Variants in PSIP1 observed in about 807,000 individuals in gnomAD.
The protein encoded by PSIP1 is PC4 and SRSF1 interacting protein 1, also known as PC4 and SFRS1-interacting protein.
PSIP1 carries 19 observed loss-of-function variants against 74.7 expected under a neutral mutation model. The observed-to-expected ratio is 0.25, with a 90% CI of 0.18 to 0.37. PSIP1 has a LOEUF of 0.37. Ranked by LOEUF, PSIP1 falls within the 10% of genes least tolerant of loss-of-function variation. PSIP1 has a pLI of 1.00. For synonymous variants in PSIP1, 222 were observed against 195.3 expected, an observed-to-expected ratio of 1.14 and a Z score of -1.14; for missense variants, 601 against 614.3, an observed-to-expected ratio of 0.98 and a Z score of 0.23.
At chr9:15,481,271 CCTA>C (rs1232368995) in intron 6 of PSIP1, among the ~76,000 whole-genome samples, 4 of 152,210 alleles carry the variant, frequency 2.6e-5, no homozygotes, top group Admixed American at 2.6e-4. Flanking sequence ...GAGCTCTTTT[CCTA>C]CTGAGGAGTT....
At chr9:15,504,317 G>C (rs1379120817) in intron 3 of PSIP1, among the ~76,000 whole-genome samples, 4 of 151,402 alleles carry the variant, frequency 2.6e-5, no homozygotes, top group African/African-American at 9.8e-5. Flanking sequence ...TAGTTATTTA[G>C]TTTAGTTTGT....
chr9:15,466,641 G>A (rs1357848967), intron 15 of PSIP1, 107 bp downstream of exon 15: 4 of 793,124 alleles, frequency 5.0e-6, no homozygotes, highest in Non-Finnish European at 7.6e-6. Context: ...GGAATTGGGT[G>A]ATCAAAAGAT....
At chr9:15,487,005 A>T (rs958581575) in intron 4 of PSIP1, 74 bp from the exon 5 acceptor site, 8 of 869,366 alleles carry the variant, frequency 9.2e-6, no homozygotes, top group East Asian at 3.4e-5. Flanking sequence ...CTTTATTTTT[A>T]TTTTTTTTTT....
At chr9:15,476,537 T>C (rs564876554) in intron 8 of PSIP1, among the ~76,000 whole-genome samples, 6 of 152,156 alleles carry the variant, frequency 3.9e-5, no homozygotes, top group Non-Finnish European at 5.9e-5. Flanking sequence ...GACTTTCAAA[T>C]TGGGTGATAG....
intron 3 of PSIP1, among the ~76,000 whole-genome samples, chr9:15,504,722 G>C (rs2037505072): frequency 6.7e-6 from 1 of 150,182 alleles, no homozygotes; most frequent in African/African-American, 2.5e-5. Flanking sequence ...GGGCAACAGA[G>C]CTAGACTCGG....
chr9:15,472,059 A>C (rs2035857681), intron 10 of PSIP1: 2 of 975,572 alleles, frequency 2.1e-6, no homozygotes, highest in African/African-American at 3.5e-5. Flanking sequence ...AAGGGGAAAG[A>C]AATTCCCCAT....
chr9:15,505,041 T>G (rs1490587831), intron 3 of PSIP1: 1 of 147,768 alleles, frequency 6.8e-6, no homozygotes, highest in African/African-American at 2.5e-5. Flanking sequence ...CCGGCTCAGG[T>G]GACGGTTCCA....
rs1183173071 is a variant in PSIP1 at position 15,472,757 on chromosome 9, T to C, written c.859-7A>G. 6.2e-6 allele frequency: 10 copies of C among 1,600,254 alleles called. No individual in the cohort carries two copies. The highest frequency in any genetic ancestry group is 1.4e-5 in the African/African-American group (1 of 74,006). On this transcript the variant is annotated splice_region_variant and splice_polypyrimidine_tract_variant and intron_variant, in intron 9 of 15. Transcript: ENST00000380733. ...TCCTCCCACCTTTTCTCTTCTGTTTTGAGAATTAGGATGGTTTTATTTAAC... is the reference window on the plus strand; with the variant it reads ...TCCTCCCACCTTTTCTCTTCTGTTTCGAGAATTAGGATGGTTTTATTTAAC...
At chr9:15,501,223 T>C (rs2037328893) in intron 3 of PSIP1, among the ~76,000 whole-genome samples, 1 of 152,074 alleles carries the variant, frequency 6.6e-6, no homozygotes, top group Admixed American at 6.6e-5. Context: ...CGTTGGCTAA[T>C]GGACAGCAAA....
chr9:15,467,335 G>T (rs368599624), intron 14 of PSIP1, among the ~76,000 whole-genome samples: 1 of 152,012 alleles, frequency 6.6e-6, no homozygotes, highest in South Asian at 2.1e-4. Flanking sequence ...CCTGTAAGTC[G>T]TATTAATAAT....
intron 3 of PSIP1, among the ~76,000 whole-genome samples, chr9:15,498,015 G>T (rs2037165309): frequency 6.6e-6 from 1 of 152,080 alleles, no homozygotes; most frequent in Non-Finnish European, 1.5e-5. Context: ...TAAACCTATT[G>T]TTGGGCCATT....
chr9:15,494,565 CAAAAAAAAAAAAAAAAAA>C (rs57170853), intron 3 of PSIP1, among the ~76,000 whole-genome samples: 1 of 37,530 alleles, frequency 2.7e-5, no homozygotes. Context: ...AACTGCATCT[CAAAAAAAAAAAAAAAAAA>C]AAAAAAAAAA....
chr9:15,492,962 A>G (rs757829187), intron 3 of PSIP1, among the ~76,000 whole-genome samples: 25 of 151,950 alleles, frequency 1.6e-4, no homozygotes, highest in Non-Finnish European at 3.4e-4. Flanking sequence ...CCAGGAAACC[A>G]TTTTTCCCTC....
intron 3 of PSIP1, among the ~76,000 whole-genome samples, chr9:15,495,585 A>C (rs1322780573): frequency 6.6e-6 from 1 of 152,228 alleles, no homozygotes; most frequent in East Asian, 1.9e-4. Flanking sequence ...TATCAAGAAT[A>C]GTTTGAACAG....
intron 10 of PSIP1, chr9:15,471,709 A>C: frequency 1.0e-6 from 1 of 966,082 alleles, no homozygotes; most frequent in Non-Finnish European, 1.2e-6. Context: ...CTAAGAAAGC[A>C]GAGTAAAACG....
chr9:15,478,269 AAG>A (rs1350083541), intron 8 of PSIP1, among the ~76,000 whole-genome samples: 6 of 152,016 alleles, frequency 3.9e-5, no homozygotes, highest in African/African-American at 1.2e-4. Context: ...TGATATACCC[AAG>A]AGTCTTAATT....
At position 15,473,926 on chromosome 9, in the gene PSIP1, AC is replaced by A. The variant is rs377296264; in HGVS notation, c.858+82del. 553 of 768,772 alleles carry A rather than the reference AC, an allele frequency of 7.2e-4. 3 individuals carry two copies. The African/African-American group carries it at 0.01, about 14-fold the overall frequency. 47.6% of individuals were successfully genotyped at this position (768,772 alleles called of 1,614,324 possible). ...AAACAAAAAAAAAACAAAAAAAAAA[AC>A]AAAAAAAAAACAAAGAAAAAACAAA... On this transcript the variant is annotated intron_variant, in intron 9 of 15. Coordinates refer to ENST00000380733, the MANE Select transcript of PSIP1 (RefSeq NM_033222.5).
intron 6 of PSIP1, among the ~76,000 whole-genome samples, chr9:15,484,132 CA>C (rs533395028): frequency 0.028 from 1,479 of 52,478 alleles, 11 homozygotes; most frequent in African/African-American, 0.08. Flanking sequence ...ACTCTGTATC[CA>C]AAAAAAAAAA....
At chr9:15,479,357 C>A (rs2036237417) in intron 7 of PSIP1, among the ~76,000 whole-genome samples, 1 of 152,228 alleles carries the variant, frequency 6.6e-6, no homozygotes, top group Non-Finnish European at 1.5e-5. Context: ...AACCTCCCCA[C>A]AGCCTCTCTT....
Sources: allele counts gnomAD v4.1 joint callset (sites outside exome capture counted in the v4.1 genomes callset), GRCh38; gene constraint gnomAD v4.1.1; transcripts MANE v1.5; gene names NCBI Gene and HGNC (gene_info 2026-07-23, HGNC 2026-07-21).